The following KLHL20 variants were observed in gnomAD, a reference collection of about 807,000 sequenced individuals.
The protein encoded by KLHL20 is kelch like family member 20.
Under a neutral mutation model 69.5 loss-of-function variants are expected in KLHL20, and 29 were observed. The observed-to-expected ratio is 0.42, with a 90% CI of 0.31 to 0.57. The LOEUF (loss-of-function observed/expected upper bound fraction) is 0.57, where lower values mean the gene tolerates loss of function less well. Ranked by LOEUF, KLHL20 falls within the 20% of genes least tolerant of loss-of-function variation. The pLI, the probability that KLHL20 is intolerant of heterozygous loss-of-function variation, is 0.18. For synonymous variants in KLHL20, 253 were observed against 265.2 expected, an observed-to-expected ratio of 0.95 and a Z score of 0.45; for missense variants, 419 against 776.0, an observed-to-expected ratio of 0.54 and a Z score of 5.47.
chr1:173,778,614 C>T (rs1273604287), intron 10 of KLHL20, among the ~76,000 whole-genome samples: 1 of 152,084 alleles, frequency 6.6e-6, no homozygotes, highest in Non-Finnish European at 1.5e-5. Flanking sequence ...GCTGAGATTA[C>T]AGGCATGAGC....
At chr1:173,780,355 A>C (rs1401034832) in intron 10 of KLHL20, among the ~76,000 whole-genome samples, 1 of 152,232 alleles carries the variant, frequency 6.6e-6, no homozygotes, top group African/African-American at 2.4e-5. Context: ...ATTTTATAGA[A>C]GAACATAGGA....
At chr1:173,761,130 G>A (rs1196574741) in intron 7 of KLHL20, among the ~76,000 whole-genome samples, 1 of 152,174 alleles carries the variant, frequency 6.6e-6, no homozygotes, top group Non-Finnish European at 1.5e-5. Flanking sequence ...GTGGTTAAAA[G>A]AGACAAAGAG....
intron 2 of KLHL20, among the ~76,000 whole-genome samples, chr1:173,725,486 A>C (rs1671912058): frequency 6.6e-6 from 1 of 152,218 alleles, no homozygotes; most frequent in South Asian, 2.1e-4. Flanking sequence ...AAGAACACCA[A>C]CTTGTAAAAC....
At chr1:173,760,786 T>G (rs1023870662) in intron 7 of KLHL20, among the ~76,000 whole-genome samples, 1 of 152,072 alleles carries the variant, frequency 6.6e-6, no homozygotes, top group African/African-American at 2.4e-5. Flanking sequence ...AATCACACAG[T>G]ACCCATAATG....
At chr1:173,742,941 G>A (rs975710796) in intron 3 of KLHL20, among the ~76,000 whole-genome samples, 4 of 151,386 alleles carry the variant, frequency 2.6e-5, no homozygotes, top group African/African-American at 9.7e-5. Context: ...AAAATTTTTT[G>A]TTCTTTCCAA....
At position 173,747,898 on chromosome 1, in the gene KLHL20, A is replaced by C. The variant is rs1224870659; in HGVS notation, c.598-3866A>C. ...ATAAAAACCAAGAGCTCTTTAAAAA[A>C]AAAAAAATGATGAAACTCCATCTCC... On this transcript the variant is annotated intron_variant, in intron 3 of 11. Coordinates refer to ENST00000209884, the MANE Select transcript of KLHL20 (RefSeq NM_014458.4). Among the ~76,000 whole-genome samples, 67 of 151,798 alleles carry C rather than the reference A, an allele frequency of 4.4e-4. 1 individual carries two copies. Among genetic ancestry groups the C allele is most frequent in the Admixed American group, 4.3e-3 (66 of 15,242 alleles).
At chr1:173,778,585 C>T (rs375087456) in intron 10 of KLHL20, among the ~76,000 whole-genome samples, 34 of 151,868 alleles carry the variant, frequency 2.2e-4, no homozygotes, top group Non-Finnish European at 4.1e-4. Flanking sequence ...GTGATCTATT[C>T]GCCTCAGCCT....
intron 7 of KLHL20, among the ~76,000 whole-genome samples, chr1:173,762,931 A>T (rs1015292193): frequency 2.6e-5 from 4 of 152,206 alleles, no homozygotes; most frequent in Non-Finnish European, 5.9e-5. Context: ...AGAGGAAGTC[A>T]TACTGTCACT....
At chr1:173,763,706 C>A (rs1299866854) in intron 7 of KLHL20, among the ~76,000 whole-genome samples, 6 of 152,084 alleles carry the variant, frequency 3.9e-5, no homozygotes, top group Admixed American at 3.9e-4. Context: ...GAAACTGGAT[C>A]CTCAGCTCTC....
chr1:173,744,227 T>A (rs1672958554), intron 3 of KLHL20, among the ~76,000 whole-genome samples: 1 of 152,174 alleles, frequency 6.6e-6, no homozygotes, highest in African/African-American at 2.4e-5. Flanking sequence ...TTTTAATGTA[T>A]ACTTCTCTGA....
intron 10 of KLHL20, among the ~76,000 whole-genome samples, chr1:173,778,567 G>A (rs1370799502): frequency 1.3e-5 from 2 of 151,442 alleles, no homozygotes; most frequent in African/African-American, 4.9e-5. Context: ...TCAAACTCCT[G>A]AGCTCAAGTG....
chr1:173,766,461 A>T (rs1449651767), intron 8 of KLHL20, among the ~76,000 whole-genome samples, 172 bp downstream of exon 8: 2 of 146,672 alleles, frequency 1.4e-5, no homozygotes, highest in African/African-American at 2.5e-5. Context: ...CCTGGGCAAC[A>T]TGGTGAGATA....
chr1:173,752,786 G>A (rs1673369035), intron 4 of KLHL20, among the ~76,000 whole-genome samples: 1 of 152,088 alleles, frequency 6.6e-6, no homozygotes, highest in Admixed American at 6.6e-5. Flanking sequence ...ATGGTATTCG[G>A]TGAGATCCCA....
At chr1:173,768,182 T>G (rs1647853551) in intron 8 of KLHL20, among the ~76,000 whole-genome samples, 1 of 152,086 alleles carries the variant, frequency 6.6e-6, no homozygotes, top group Non-Finnish European at 1.5e-5. Context: ...GTATATAGAC[T>G]CATTAATCAT....
chr1:173,734,317 A>G (rs368322498), intron 3 of KLHL20, 31 bp downstream of exon 3: 1 of 1,592,990 alleles, frequency 6.3e-7, no homozygotes, highest in Non-Finnish European at 8.6e-7. Context: ...CAATGCACCC[A>G]TTTGTTGGAG....
intron 8 of KLHL20, among the ~76,000 whole-genome samples, chr1:173,773,282 TTA>T (rs1491206090): frequency 6.6e-6 from 1 of 151,502 alleles, no homozygotes; most frequent in African/African-American, 2.4e-5. Flanking sequence ...TTTTTTTTTT[TTA>T]TCTTTTTTTT....
chr1:173,735,860 T>C (rs1672508209), intron 3 of KLHL20, among the ~76,000 whole-genome samples: 2 of 152,012 alleles, frequency 1.3e-5, no homozygotes, highest in African/African-American at 4.8e-5. Context: ...TTTTTGGTTT[T>C]CCATTCCTGA....
intron 2 of KLHL20, among the ~76,000 whole-genome samples, chr1:173,732,079 C>G (rs540499497): frequency 6.6e-6 from 1 of 152,080 alleles, no homozygotes; most frequent in South Asian, 2.1e-4. Context: ...TGCCTGTAGT[C>G]CCAGCTACTT....
chr1:173,717,080 A>G (rs776779154), intron 2 of KLHL20, among the ~76,000 whole-genome samples: 1 of 152,224 alleles, frequency 6.6e-6, no homozygotes, highest in Non-Finnish European at 1.5e-5. Context: ...TGTAGTAGGA[A>G]TAATATTTTA....
Sources: allele counts gnomAD v4.1 joint callset (sites outside exome capture counted in the v4.1 genomes callset), GRCh38; gene constraint gnomAD v4.1.1; transcripts MANE v1.5; gene names NCBI Gene and HGNC (gene_info 2026-07-23, HGNC 2026-07-21).